The following PAICS variants were observed in gnomAD, a reference collection of about 807,000 sequenced individuals.
The protein encoded by PAICS is phosphoribosylaminoimidazole carboxylase and phosphoribosylaminoimidazolesuccinocarboxamide synthase.
In PAICS, 33 loss-of-function variants were observed where a neutral mutation model predicts 53.7. That is an observed-to-expected ratio of 0.61 (90% CI 0.47 to 0.82). The LOEUF is 0.82. Among genes scored for constraint, PAICS ranks in the 40% least tolerant of loss-of-function variants. The pLI is 0.00. For missense variants in PAICS, 394 were observed against 494.1 expected (o/e 0.80, Z 1.92); for synonymous variants, 141 against 167.2 (o/e 0.84, Z 1.21).
At chr4:56,443,505 T>G (rs1364942832) in intron 2 of PAICS, among the ~76,000 whole-genome samples, 1 of 152,182 alleles carries the variant, frequency 6.6e-6, no homozygotes, top group East Asian at 1.9e-4. Flanking sequence ...TCGATTTTTT[T>G]TTTTCTTCCC....
At chr4:56,443,850 C>A (rs73157754) in intron 2 of PAICS, among the ~76,000 whole-genome samples, 3,988 of 152,280 alleles carry the variant, frequency 0.026, 146 homozygotes, top group East Asian at 0.19. Context: ...AAATGAAATA[C>A]TCCAATAATT....
chr4:56,435,858 C>G (rs892815528), upstream of PAICS: 4 of 1,488,848 alleles, frequency 2.7e-6, no homozygotes, highest in African/African-American at 5.5e-5. Context: ...GACTTAACCT[C>G]ATTTCTCTTT....
At chr4:56,422,777 A>G in the PAICS span, 11 of 152,338 alleles carry the variant, frequency 7.2e-5, no homozygotes, top group South Asian at 2.3e-3. Context: ...CTGTTGGATC[A>G]TAACTCAAAA....
chr4:56,449,113 AG>A (rs1331026196), intron 5 of PAICS, among the ~76,000 whole-genome samples: 1 of 152,228 alleles, frequency 6.6e-6, no homozygotes, highest in Non-Finnish European at 1.5e-5. Flanking sequence ...GGGTCTTAAG[AG>A]GATGGGTATC....
chr4:56,445,589 C>G (rs1347854983), intron 2 of PAICS, among the ~76,000 whole-genome samples: 1 of 151,602 alleles, frequency 6.6e-6, no homozygotes, highest in African/African-American at 2.4e-5. Context: ...AAAAAAAAAC[C>G]AAAAAAACAA....
the PAICS span, among the ~76,000 whole-genome samples, chr4:56,418,269 C>T: frequency 6.6e-6 from 1 of 152,172 alleles, no homozygotes; most frequent in African/African-American, 2.4e-5. Context: ...CTCCACTACA[C>T]TCTAGCTTGG....
the PAICS span, among the ~76,000 whole-genome samples, chr4:56,413,975 G>C: frequency 1.1e-3 from 162 of 152,220 alleles, no homozygotes; most frequent in African/African-American, 3.8e-3. Context: ...ATACAAATTG[G>C]TAACTTTTAA....
At chr4:56,423,847 T>TA in the PAICS span, among the ~76,000 whole-genome samples, 1 of 152,112 alleles carries the variant, frequency 6.6e-6, no homozygotes, top group South Asian at 2.1e-4. Context: ...GAAAAAAACT[T>TA]AAACAGGCAA....
intron 5 of PAICS, 50 bp downstream of exon 5, chr4:56,448,873 AGAG>A (rs1344897006): frequency 1.0e-6 from 1 of 983,818 alleles, no homozygotes; most frequent in African/African-American, 1.6e-5. Context: ...AAGCTGAGAT[AGAG>A]GAGAAAGGAG....
Position 56,450,700 on chromosome 4 carries a change from G to C in PAICS, c.769G>C (p.Glu257Gln). The change falls in exon 6 of 9, where the codon GAG (glutamate) becomes CAG (glutamine). Residue 257 changes from glutamate (E) to glutamine (Q), a missense_variant and splice_region_variant. Coordinates refer to ENST00000512576, the MANE Select transcript of PAICS (RefSeq NM_001079524.2). ...KNFEWVAERV[E>Q]LLLKSESQCR... is the part of the protein sequence containing the mutation. ...CTTTGAGTGGGTTGCAGAGAGAGTA[G>C]AGGTAAACCTTCTATAGTAAAACTG... 2.8e-6 allele frequency: 4 copies of C among 1,422,846 alleles called. No homozygotes were observed. Among genetic ancestry groups the C allele is most frequent in the Non-Finnish European group, 3.9e-6 (4 of 1,027,292 alleles). 88.1% of individuals were successfully genotyped at this position (1,422,846 alleles called of 1,614,324 possible). A position where few individuals can be genotyped will look rare whatever the true frequency, so the allele number is the denominator to read the frequency against.
chr4:56,438,371 T>TTATATATATATATATATA (rs61681463), intron 1 of PAICS, among the ~76,000 whole-genome samples: 116 of 113,640 alleles, frequency 1.0e-3, no homozygotes, highest in Non-Finnish European at 1.6e-3. Flanking sequence ...TGCAATGTGT[T>TTATATATATATATATATA]TATATATATA....
chr4:56,446,899 T>C lies in PAICS; in HGVS notation c.393+26T>C, dbSNP rs1250100645. On this transcript the variant is annotated intron_variant, in intron 3 of 8. Coordinates refer to ENST00000512576, the MANE Select transcript of PAICS (RefSeq NM_001079524.2). Reference sequence around the variant, plus strand: ...GTAATTATCTTATGCCTCTGTTTTATGTCTTACTGTAACACGGCAATAAAT... The same window carrying C: ...GTAATTATCTTATGCCTCTGTTTTACGTCTTACTGTAACACGGCAATAAAT... The C allele has an allele frequency of 2.1e-6, 3 of 1,405,652 alleles. No individual in the cohort carries two copies. In the East Asian group the frequency reaches 6.9e-5, roughly 32 times the overall value. The allele number at this position is 1,405,652 out of a possible 1,614,324, so 87.1% of individuals were successfully genotyped here.
chr4:56,418,975 T>G, the PAICS span, among the ~76,000 whole-genome samples: 1 of 152,212 alleles, frequency 6.6e-6, no homozygotes, highest in Non-Finnish European at 1.5e-5. Flanking sequence ...ATGGCTTTAG[T>G]CTTTCTGTAA....
the PAICS span, among the ~76,000 whole-genome samples, chr4:56,427,972 T>TAC: frequency 1.3e-5 from 2 of 152,242 alleles, no homozygotes; most frequent in African/African-American, 4.8e-5. Flanking sequence ...TAAAAGAAAT[T>TAC]TAGTAAACAC....
rs1196748074 is a variant in PAICS at position 56,462,853 on chromosome 4, AG to A, written c.*3316del. On this transcript the variant is annotated 3_prime_UTR_variant, in exon 9 of 9. Transcript: ENST00000512576. ...CAGTCTCTAATAAAAATACAAAACT[AG>A]CCGGGCATGGTGGCACATTCCTGTA... 2 of 152,040 alleles carry A rather than the reference AG, an allele frequency of 1.3e-5. No homozygotes were observed. The highest frequency in any genetic ancestry group is 4.8e-5 in the African/African-American group (2 of 41,380). The allele number at this position is 152,040 out of a possible 1,614,324, so 9.4% of individuals were successfully genotyped here. A position where few individuals can be genotyped will look rare whatever the true frequency, so the allele number is the denominator to read the frequency against.
chr4:56,440,820 A>T (rs1172351233), intron 1 of PAICS, among the ~76,000 whole-genome samples: 2 of 152,218 alleles, frequency 1.3e-5, no homozygotes, highest in Non-Finnish European at 2.9e-5. Context: ...ACATGGATAC[A>T]CCGGGAAAAT....
At chr4:56,433,014 A>T (rs1024486990), upstream of PAICS, among the ~76,000 whole-genome samples, 45 of 148,942 alleles carry the variant, frequency 3.0e-4, no homozygotes, top group East Asian at 8.6e-3. Context: ...TATATATATA[A>T]AACTAAACTA....
At chr4:56,447,265 G>T (rs957100607) in intron 3 of PAICS, among the ~76,000 whole-genome samples, 1 of 151,970 alleles carries the variant, frequency 6.6e-6, no homozygotes, top group African/African-American at 2.4e-5. Flanking sequence ...TATGAATTTT[G>T]TAGGCTTTAC....
intron 1 of PAICS, among the ~76,000 whole-genome samples, chr4:56,441,354 T>C (rs948016386): frequency 2.6e-5 from 4 of 152,178 alleles, no homozygotes; most frequent in Non-Finnish European, 5.9e-5. Context: ...GCACAGGATT[T>C]GATGTCAGAG....
Sources: allele counts gnomAD v4.1 joint callset (sites outside exome capture counted in the v4.1 genomes callset), GRCh38; gene constraint gnomAD v4.1.1; transcripts MANE v1.5; gene names NCBI Gene and HGNC (gene_info 2026-07-23, HGNC 2026-07-21).